Variants in FHIT observed in about 807,000 individuals in gnomAD.
FHIT encodes bis(5'-adenosyl)-triphosphatase.
A neutral mutation model predicts 17.9 loss-of-function variants in FHIT; 19 were observed. That is an observed-to-expected ratio of 1.06 (90% CI 0.74 to 1.56). The LOEUF (loss-of-function observed/expected upper bound fraction) is 1.56. Among genes scored for constraint, FHIT ranks in the 40% most tolerant of loss-of-function variants. The pLI is 0.00. For missense variants in FHIT, 248 were observed against 189.2 expected (o/e 1.31, Z -1.82); for synonymous variants, 81 against 69.7 (o/e 1.16, Z -0.81).
chr3:61,149,459 A>G (rs1478689017), intron 2 of FHIT, among the ~76,000 whole-genome samples: 1 of 151,962 alleles, frequency 6.6e-6, no homozygotes, highest in Non-Finnish European at 1.5e-5. Flanking sequence ...ATTATTAAAA[A>G]TAATTTAATT....
rs74957073 is a variant in FHIT at position 60,839,511 on chromosome 3, G to A, written c.-110-17500C>T. Among the ~76,000 whole-genome samples the A allele has an allele frequency of 1.2e-3, 186 of 152,232 alleles. 1 individual carries two copies. In the East Asian group the frequency reaches 0.028, roughly 23 times the overall value. On this transcript the variant is annotated intron_variant, in intron 3 of 9. Coordinates refer to ENST00000492590, the MANE Select transcript of FHIT (RefSeq NM_002012.4). ...TTCTGATTCCCTGGCATTTGTCAGT[G>A]TCTGTCAAAACATTAACATTTCTTA...
intron 5 of FHIT, among the ~76,000 whole-genome samples, chr3:60,406,163 G>C (rs758613729): frequency 1.3e-5 from 2 of 152,068 alleles, no homozygotes; most frequent in African/African-American, 4.8e-5. Flanking sequence ...AAACATGCTT[G>C]GTAAAAGAAT....
chr3:60,411,489 T>C (rs1576614428), intron 5 of FHIT, among the ~76,000 whole-genome samples: 1 of 152,184 alleles, frequency 6.6e-6, no homozygotes, highest in Non-Finnish European at 1.5e-5. Context: ...CTGCCAAACG[T>C]TGTAGGGTTC....
intron 7 of FHIT, among the ~76,000 whole-genome samples, chr3:59,963,197 G>A (rs994026372): frequency 6.6e-5 from 10 of 151,416 alleles, no homozygotes; most frequent in African/African-American, 2.4e-4. Flanking sequence ...AACCCAGGAG[G>A]TGGAGTTCGC....
chr3:60,179,863 G>C (rs1701846772), intron 5 of FHIT, among the ~76,000 whole-genome samples: 1 of 152,130 alleles, frequency 6.6e-6, no homozygotes, highest in Non-Finnish European at 1.5e-5. Flanking sequence ...TACATGAAAG[G>C]AAACAGCTAC....
chr3:60,960,942 A>G (rs1005779459), intron 3 of FHIT, among the ~76,000 whole-genome samples: 8 of 152,324 alleles, frequency 5.3e-5, no homozygotes, highest in Middle Eastern at 3.4e-3. Flanking sequence ...CTTTTGGTAA[A>G]CACCCAGTAA....
At chr3:60,561,074 T>C (rs181002) in intron 4 of FHIT, among the ~76,000 whole-genome samples, 56,364 of 151,840 alleles carry the variant, frequency 0.37, 10,718 homozygotes, top group East Asian at 0.51. Flanking sequence ...ATTGCACTTT[T>C]CCATGTCTCT....
intron 5 of FHIT, among the ~76,000 whole-genome samples, chr3:60,035,769 A>G (rs1363037823): frequency 6.6e-6 from 1 of 152,220 alleles, no homozygotes; most frequent in African/African-American, 2.4e-5. Context: ...GTTCCAACCA[A>G]AATTAACTTT....
At chr3:60,637,479 A>G (rs1327601714) in intron 4 of FHIT, among the ~76,000 whole-genome samples, 1 of 152,144 alleles carries the variant, frequency 6.6e-6, no homozygotes. Flanking sequence ...ACTACTGCCT[A>G]TGTCCAGTGC....
chr3:60,112,627 G>A (rs569517254), intron 5 of FHIT, among the ~76,000 whole-genome samples: 1 of 152,288 alleles, frequency 6.6e-6, no homozygotes, highest in Admixed American at 6.5e-5. Flanking sequence ...AATTGGAGAA[G>A]ACTTTTTTTG....
At chr3:59,776,438 A>T (rs1702321761) in intron 8 of FHIT, among the ~76,000 whole-genome samples, 1 of 152,230 alleles carries the variant, frequency 6.6e-6, no homozygotes, top group South Asian at 2.1e-4. Flanking sequence ...GAGATGTGAC[A>T]TAAATAATAA....
At chr3:59,873,206 C>T (rs546391182) in intron 8 of FHIT, among the ~76,000 whole-genome samples, 6 of 152,266 alleles carry the variant, frequency 3.9e-5, no homozygotes, top group African/African-American at 1.4e-4. Flanking sequence ...CCTTTAAACC[C>T]ATGCCAAAAT....
intron 8 of FHIT, among the ~76,000 whole-genome samples, chr3:59,863,858 C>A (rs752456339): frequency 6.6e-6 from 1 of 152,174 alleles, no homozygotes; most frequent in Non-Finnish European, 1.5e-5. Context: ...AAGGTGCCTG[C>A]GGTAGTTTTA....
At chr3:60,113,016 G>C (rs1041046844) in intron 5 of FHIT, among the ~76,000 whole-genome samples, 2 of 152,158 alleles carry the variant, frequency 1.3e-5, no homozygotes, top group African/African-American at 4.8e-5. Context: ...TCTATAGTGT[G>C]CCTGCTTACA....
intron 5 of FHIT, among the ~76,000 whole-genome samples, chr3:60,276,971 C>A (rs1200805022): frequency 6.6e-6 from 1 of 152,082 alleles, no homozygotes; most frequent in Non-Finnish European, 1.5e-5. Flanking sequence ...CCAGGCCACT[C>A]AACCAACAAT....
At chr3:61,098,505 T>C (rs545549394) in intron 2 of FHIT, among the ~76,000 whole-genome samples, 6 of 152,338 alleles carry the variant, frequency 3.9e-5, no homozygotes, top group Admixed American at 6.5e-5. Flanking sequence ...GGTAGATTAA[T>C]AGGAATAACA....
At chr3:59,902,839 A>G (rs1227693003) in intron 8 of FHIT, among the ~76,000 whole-genome samples, 1 of 152,198 alleles carries the variant, frequency 6.6e-6, no homozygotes, top group East Asian at 1.9e-4. Context: ...ACTTTCAGTT[A>G]TAAGATAAGT....
At chr3:60,870,247 A>G (rs1704350642) in intron 3 of FHIT, among the ~76,000 whole-genome samples, 1 of 50,596 alleles carries the variant, frequency 2.0e-5, no homozygotes, top group South Asian at 1.2e-3. Context: ...ATACAGAGGT[A>G]TTTAAACACA....
chr3:60,710,836 T>TG (rs1383799067), intron 4 of FHIT, among the ~76,000 whole-genome samples: 1 of 152,182 alleles, frequency 6.6e-6, no homozygotes, highest in Non-Finnish European at 1.5e-5. Flanking sequence ...GCTCCACCTC[T>TG]GGGGGCAGGG....
Sources: gnomAD v4.1 joint callset for allele counts (sites outside exome capture counted in the v4.1 genomes callset) on GRCh38, gnomAD v4.1.1 for gene constraint, MANE v1.5 for transcripts, NCBI Gene and HGNC (gene_info 2026-07-23, HGNC 2026-07-21) for gene names.